The following L2HGDH variants were observed in gnomAD, a reference collection of about 807,000 sequenced individuals.
L2HGDH encodes the protein L-2-hydroxyglutarate dehydrogenase, mitochondrial.
A neutral mutation model predicts 51.5 loss-of-function variants in L2HGDH; 34 were observed. The ratio of observed to expected loss-of-function variants is 0.66; its 90% CI spans 0.50 to 0.88. L2HGDH has a LOEUF of 0.88. L2HGDH is among the 40% of genes least tolerant of loss of function. The pLI, the probability that L2HGDH is intolerant of heterozygous loss-of-function variation, is 0.00. For synonymous variants in L2HGDH, 198 were observed against 197.9 expected, an observed-to-expected ratio of 1.00 and a Z score of -0.01; for missense variants, 558 against 571.9, an observed-to-expected ratio of 0.98 and a Z score of 0.25.
rs1595053428 is a variant in L2HGDH at position 50,244,951 on chromosome 14, T to C, written c.*2107A>G. The C allele has an allele frequency of 2.0e-6, 2 of 985,418 alleles. No homozygotes were observed. The highest frequency in any genetic ancestry group is 1.7e-5 in the African/African-American group (1 of 57,230). 61.0% of individuals were successfully genotyped at this position (985,418 alleles called of 1,614,324 possible). On this transcript the variant is annotated 3_prime_UTR_variant, in exon 10 of 10. Transcript: ENST00000267436. Reference sequence around the variant, plus strand: ...TGGTTCAGTACTCAAAGTTCTGCAGTCAGGTCGCCACATTTTCATTTACAA... The same window carrying C: ...TGGTTCAGTACTCAAAGTTCTGCAGCCAGGTCGCCACATTTTCATTTACAA...
At chr14:50,277,213 T>TG (rs1890026995) in intron 6 of L2HGDH, among the ~76,000 whole-genome samples, 1 of 151,886 alleles carries the variant, frequency 6.6e-6, no homozygotes, top group Non-Finnish European at 1.5e-5. Flanking sequence ...TTTTGTTTTT[T>TG]TTTTTGAGAG....
Position 50,269,342 on chromosome 14 carries a change from T to C in L2HGDH, c.739-12A>G, listed in dbSNP as rs1889534437. The stretch of plus-strand genomic sequence containing the variant: ...CGAATTTCCTCTCCCTAGTGCAAAA[T>C]AAAAGAACAGTTATTTGTATAAAGT... On this transcript the variant is annotated splice_polypyrimidine_tract_variant and intron_variant, in intron 6 of 9. Transcript: ENST00000267436. The C allele has an allele frequency of 1.2e-6, 2 of 1,612,644 alleles. No homozygotes were observed. The highest frequency in any genetic ancestry group is 2.2e-5 in the South Asian group (2 of 91,044).
intron 6 of L2HGDH, among the ~76,000 whole-genome samples, chr14:50,272,039 G>T (rs1010143874): frequency 6.6e-6 from 1 of 152,178 alleles, no homozygotes; most frequent in Non-Finnish European, 1.5e-5. Flanking sequence ...TACTCATGTG[G>T]CTGAGGCACA....
In L2HGDH at chr14:50,275,054, C is replaced by A. The variant is rs1889899899; in HGVS notation, c.738+3466G>T. Among the ~76,000 whole-genome samples, 4 of 152,210 alleles carry A rather than the reference C, an allele frequency of 2.6e-5. No individual in the cohort carries two copies. The South Asian group carries it at 8.3e-4, about 32-fold the overall frequency. ...GAATAAGTTCTAGAAATCTAATATA[C>A]AGCATGGTGACTACAGGTAATAATA... On this transcript the variant is annotated intron_variant, in intron 6 of 9. Transcript: ENST00000267436.
intron 9 of L2HGDH, among the ~76,000 whole-genome samples, chr14:50,251,196 CAG>C (rs1163512054): frequency 6.6e-6 from 1 of 152,052 alleles, no homozygotes; most frequent in Non-Finnish European, 1.5e-5. Flanking sequence ...AAGAATTAAA[CAG>C]AAATTCTAGA....
intron 9 of L2HGDH, 119 bp from the exon 10 acceptor site, chr14:50,247,372 A>G: frequency 6.8e-7 from 1 of 1,474,850 alleles, no homozygotes; most frequent in Non-Finnish European, 9.1e-7. Context: ...TTATATGGAA[A>G]CCCAATGAGT....
At chr14:50,259,348 TG>T (rs1888864388) in intron 9 of L2HGDH, among the ~76,000 whole-genome samples, 1 of 140,420 alleles carries the variant, frequency 7.1e-6, no homozygotes, top group Non-Finnish European at 1.5e-5. Context: ...CTTTTCTTTC[TG>T]TTTTTTTTCT....
chr14:50,284,531 G>T (rs1890455668), intron 4 of L2HGDH, among the ~76,000 whole-genome samples: 1 of 152,130 alleles, frequency 6.6e-6, no homozygotes, highest in Non-Finnish European at 1.5e-5. Flanking sequence ...CCAAATCAAT[G>T]TTCATCAATC....
In L2HGDH at chr14:50,245,252, T is replaced by G; in HGVS notation, c.*1806A>C. 2 of 985,120 alleles carry G rather than the reference T, an allele frequency of 2.0e-6. No individual in the cohort carries two copies. The highest frequency in any genetic ancestry group is 2.4e-6 in the Non-Finnish European group (2 of 829,612). 61.0% of individuals were successfully genotyped at this position (985,120 alleles called of 1,614,324 possible). ...AACATTTTGAGAGCCTTAGTGTGACTAAAGATCAGAGATATAATAGATAAA... is the reference window on the plus strand; with the variant it reads ...AACATTTTGAGAGCCTTAGTGTGACGAAAGATCAGAGATATAATAGATAAA... On this transcript the variant is annotated 3_prime_UTR_variant, in exon 10 of 10. Transcript: ENST00000267436.
chr14:50,292,090 T>C (rs1240466036), intron 4 of L2HGDH, among the ~76,000 whole-genome samples: 3 of 150,206 alleles, frequency 2.0e-5, no homozygotes, highest in Non-Finnish European at 4.5e-5. Flanking sequence ...AAATTCTTTG[T>C]AGATAATAAA....
chr14:50,305,803 T>C (rs1014058632), intron 1 of L2HGDH, among the ~76,000 whole-genome samples: 8 of 152,214 alleles, frequency 5.3e-5, no homozygotes, highest in Admixed American at 1.3e-4. Flanking sequence ...AATCCACGTA[T>C]GTTCAAGTCT....
chr14:50,251,243 T>C (rs1461142531), intron 9 of L2HGDH, among the ~76,000 whole-genome samples: 1 of 152,058 alleles, frequency 6.6e-6, no homozygotes, highest in Non-Finnish European at 1.5e-5. Context: ...GAAGAATATA[T>C]CAGAGTCTCA....
At position 50,261,393 on chromosome 14, in the gene L2HGDH, T is replaced by A. The variant is rs1325363246; in HGVS notation, c.1196+3965A>T. On this transcript the variant is annotated intron_variant, in intron 9 of 9. Transcript: ENST00000267436. ...TGGGGAAATTGTGACATATATGTCT[T>A]CGTCTTTTACATCTTTACAGTGCTA... 3.9e-5 allele frequency among the ~76,000 whole-genome samples: 6 copies of A among 152,254 alleles called. No individual in the cohort carries two copies. In the East Asian group the frequency reaches 1.2e-3, roughly 29 times the overall value.
At chr14:50,258,731 T>C (rs1888820230) in intron 9 of L2HGDH, among the ~76,000 whole-genome samples, 1 of 152,082 alleles carries the variant, frequency 6.6e-6, no homozygotes, top group Non-Finnish European at 1.5e-5. Flanking sequence ...CCAGGCTGGT[T>C]TGGAACTCCT....
intron 8 of L2HGDH, among the ~76,000 whole-genome samples, chr14:50,265,814 T>C (rs1889303260): frequency 6.6e-6 from 1 of 152,174 alleles, no homozygotes; most frequent in Non-Finnish European, 1.5e-5. Context: ...ATCAAGAGGC[T>C]GAGGCAGGAG....
At chr14:50,279,657 T>C (rs1890154147) in intron 5 of L2HGDH, among the ~76,000 whole-genome samples, 2 of 150,048 alleles carry the variant, frequency 1.3e-5, no homozygotes, top group Admixed American at 6.6e-5. Context: ...ATGGACAACA[T>C]AGTGAGACCT....
At chr14:50,305,811 T>G (rs998620903) in intron 1 of L2HGDH, among the ~76,000 whole-genome samples, 1 of 152,198 alleles carries the variant, frequency 6.6e-6, no homozygotes, top group African/African-American at 2.4e-5. Context: ...TATGTTCAAG[T>G]CTTGTATACG....
Position 50,242,988 on chromosome 14 carries a change from G to A in L2HGDH, c.*4070C>T, listed in dbSNP as rs547853691. 27 of 985,412 alleles carry A rather than the reference G, an allele frequency of 2.7e-5. No homozygotes were observed. The South Asian group carries it at 3.3e-4, about 12-fold the overall frequency. The allele number at this position is 985,412 out of a possible 1,614,324, so 61.0% of individuals were successfully genotyped here. On this transcript the variant is annotated 3_prime_UTR_variant, in exon 10 of 10. Coordinates refer to ENST00000267436, the MANE Select transcript of L2HGDH (RefSeq NM_024884.3). ...CCAAAAGTAGGCCCTACAAACTCCC[G>A]TAGGCCAGGGCCTGGCAGTATACCC...
chr14:50,262,596 T>C (rs1306712775), intron 9 of L2HGDH, among the ~76,000 whole-genome samples: 1 of 152,070 alleles, frequency 6.6e-6, no homozygotes, highest in Non-Finnish European at 1.5e-5. Context: ...CAAGATCCCA[T>C]TCTCTTCCCT....
Sources: allele counts gnomAD v4.1 joint callset (sites outside exome capture counted in the v4.1 genomes callset), GRCh38; gene constraint gnomAD v4.1.1; transcripts MANE v1.5; gene names NCBI Gene and HGNC (gene_info 2026-07-23, HGNC 2026-07-21).